Variants in ROBO2 observed in about 807,000 individuals in gnomAD.
ROBO2 encodes roundabout homolog 2.
ROBO2 carries 53 observed loss-of-function variants against 160.8 expected under a neutral mutation model. That is an observed-to-expected ratio of 0.33 (90% CI 0.26 to 0.41). The LOEUF is 0.41. Ranked by LOEUF, ROBO2 falls within the 10% of genes least tolerant of loss-of-function variation. ROBO2 has a pLI of 1.00. For synonymous variants in ROBO2, 664 were observed against 611.7 expected (o/e 1.09, Z -1.26); for missense variants, 1,577 against 1,722.4 (o/e 0.92, Z 1.49).
intron 2 of ROBO2, among the ~76,000 whole-genome samples, chr3:76,576,788 AAAAAAAGAAAAGT>A (rs1281167010): frequency 6.7e-6 from 1 of 148,804 alleles, no homozygotes; most frequent in African/African-American, 2.4e-5. Flanking sequence ...CACAAAAAAA[AAAAAAAGAAAAGT>A]AAAAAAGAAA....
intron 2 of ROBO2, among the ~76,000 whole-genome samples, chr3:76,632,497 C>T (rs1300012341): frequency 1.3e-5 from 2 of 151,982 alleles, no homozygotes; most frequent in Non-Finnish European, 2.9e-5. Context: ...AGTTAGAGCA[C>T]AATTCTTACC....
At chr3:77,339,198 G>GAT (rs996623591) in intron 2 of ROBO2, among the ~76,000 whole-genome samples, 7 of 151,562 alleles carry the variant, frequency 4.6e-5, no homozygotes, top group African/African-American at 1.2e-4. Context: ...TTTAATCATA[G>GAT]ATATATATAT....
chr3:77,474,782 T>C (rs983747137), intron 2 of ROBO2, among the ~76,000 whole-genome samples: 2 of 152,136 alleles, frequency 1.3e-5, no homozygotes, highest in South Asian at 2.1e-4. Flanking sequence ...TACTTCACCA[T>C]GGCTAACACT....
At chr3:77,381,072 T>G (rs2073391271) in intron 2 of ROBO2, among the ~76,000 whole-genome samples, 1 of 152,096 alleles carries the variant, frequency 6.6e-6, no homozygotes, top group Admixed American at 6.5e-5. Context: ...TCCCAGCACT[T>G]TGGGAGGCCT....
intron 2 of ROBO2, among the ~76,000 whole-genome samples, chr3:77,270,979 T>A (rs1279872623): frequency 6.6e-6 from 1 of 152,058 alleles, no homozygotes; most frequent in African/African-American, 2.4e-5. Context: ...ATGTCATTGT[T>A]GAAAGTGATA....
At chr3:76,229,568 A>G (rs1704496588) in intron 2 of ROBO2, among the ~76,000 whole-genome samples, 1 of 152,168 alleles carries the variant, frequency 6.6e-6, no homozygotes, top group Admixed American at 6.5e-5. Flanking sequence ...TATTATTAAT[A>G]GGAATCATAT....
At chr3:76,513,412 G>A (rs189359030) in intron 2 of ROBO2, among the ~76,000 whole-genome samples, 107 of 152,102 alleles carry the variant, frequency 7.0e-4, no homozygotes, top group African/African-American at 2.5e-3. Context: ...GAGTGCAGTG[G>A]TGTGATCTCA....
At chr3:77,419,679 A>T (rs1406026190) in intron 2 of ROBO2, among the ~76,000 whole-genome samples, 2 of 152,140 alleles carry the variant, frequency 1.3e-5, no homozygotes, top group African/African-American at 2.4e-5. Context: ...TATAGTACAC[A>T]TTGCTTTGAA....
intron 2 of ROBO2, among the ~76,000 whole-genome samples, chr3:77,410,531 C>CTCCTCCTCT: frequency 8.5e-6 from 1 of 117,078 alleles, no homozygotes; most frequent in Non-Finnish European, 1.9e-5. Context: ...CCTCCTCTTC[C>CTCCTCCTCT]TCCTCCTCTT....
intron 2 of ROBO2, among the ~76,000 whole-genome samples, chr3:76,691,419 A>T (rs561820483): frequency 2.4e-4 from 37 of 152,288 alleles, no homozygotes; most frequent in African/African-American, 8.2e-4. Flanking sequence ...GGGGGTTGTG[A>T]TGAAATAATT....
intron 2 of ROBO2, among the ~76,000 whole-genome samples, chr3:76,111,395 C>T (rs757577127): frequency 6.6e-6 from 1 of 151,984 alleles, no homozygotes; most frequent in Non-Finnish European, 1.5e-5. Flanking sequence ...TATTGAGCTT[C>T]TGGCCTCCAG....
intron 2 of ROBO2, among the ~76,000 whole-genome samples, chr3:77,009,561 C>T (rs905728744): frequency 6.6e-6 from 1 of 152,118 alleles, no homozygotes; most frequent in Non-Finnish European, 1.5e-5. Flanking sequence ...AGCTGGTCTT[C>T]ATAATTTTAT....
intron 9 of ROBO2, among the ~76,000 whole-genome samples, chr3:77,560,214 T>G (rs2093275992): frequency 6.6e-6 from 1 of 152,054 alleles, no homozygotes; most frequent in South Asian, 2.1e-4. Flanking sequence ...TGCCAGCTCC[T>G]TGGGGCTTGT....
intron 2 of ROBO2, among the ~76,000 whole-genome samples, chr3:76,586,297 T>C (rs2086035462): frequency 6.6e-6 from 1 of 152,222 alleles, no homozygotes; most frequent in African/African-American, 2.4e-5. Context: ...GTTTTAGCCA[T>C]AATTAGACAT....
chr3:76,722,489 G>A (rs1357180746), intron 2 of ROBO2, among the ~76,000 whole-genome samples: 1 of 152,116 alleles, frequency 6.6e-6, no homozygotes, highest in Non-Finnish European at 1.5e-5. Context: ...CCAGCTTAAA[G>A]TACACAATTT....
chr3:76,731,549 T>C (rs1044935153), intron 2 of ROBO2, among the ~76,000 whole-genome samples: 2 of 152,206 alleles, frequency 1.3e-5, no homozygotes, highest in African/African-American at 4.8e-5. Flanking sequence ...ATACTACTCC[T>C]TTCTGTTGCC....
intron 2 of ROBO2, among the ~76,000 whole-genome samples, chr3:76,274,814 G>T (rs1398726907): frequency 2.0e-5 from 3 of 148,088 alleles, no homozygotes; most frequent in Non-Finnish European, 3.0e-5. Flanking sequence ...TCCAGCCTGG[G>T]CAACAGAGTG....
chr3:77,643,229 T>C (rs1465259358), intron 24 of ROBO2, among the ~76,000 whole-genome samples: 5 of 152,230 alleles, frequency 3.3e-5, no homozygotes, highest in Non-Finnish European at 7.3e-5. Context: ...TTAATGTTTA[T>C]ATTGAGTACT....
chr3:76,658,217 A>G (rs181672235), intron 2 of ROBO2, among the ~76,000 whole-genome samples: 10 of 151,778 alleles, frequency 6.6e-5, no homozygotes, highest in Admixed American at 5.9e-4. Flanking sequence ...CATAGTCACT[A>G]TTATCTCTTT....
Sources: gnomAD v4.1 joint callset for allele counts (sites outside exome capture counted in the v4.1 genomes callset) on GRCh38, gnomAD v4.1.1 for gene constraint, MANE v1.5 for transcripts, NCBI Gene and HGNC (gene_info 2026-07-23, HGNC 2026-07-21) for gene names.